BTK: variants seen among roughly 807,000 people sequenced by gnomAD.
BTK encodes Bruton tyrosine kinase.
In BTK, 5 loss-of-function variants were observed where a neutral mutation model predicts 57.4. That is an observed-to-expected ratio of 0.09 (90% CI 0.05 to 0.18). The LOEUF is 0.18. Ranked by LOEUF, BTK falls within the 10% of genes least tolerant of loss-of-function variation. BTK has a pLI of 1.00. For synonymous variants in BTK, 154 were observed against 174.3 expected, an observed-to-expected ratio of 0.88 and a Z score of 0.92; for missense variants, 194 against 501.2, an observed-to-expected ratio of 0.39 and a Z score of 5.85.
chrX:101,374,040 G>T (rs1434353744), intron 3 of BTK, among the ~76,000 whole-genome samples: 1 of 107,872 alleles, frequency 9.3e-6, no homozygotes, highest in Non-Finnish European at 1.9e-5. Context: ...GCGAGACTCT[G>T]TCTAAAAAAA....
chrX:101,376,313 T>A lies in BTK; in HGVS notation c.-30-999A>T, dbSNP rs139645081. ...CCGAACTTTCATTGGAAAGATAAAG[T>A]GAAAACAAATGCTGTCATAAAAATA... is the stretch of plus-strand genomic sequence containing the variant. On this transcript the variant is annotated intron_variant, in intron 1 of 18. Coordinates refer to ENST00000308731, the MANE Select transcript of BTK (RefSeq NM_000061.3). Among the ~76,000 whole-genome samples the A allele has an allele frequency of 7.3e-3, 815 of 111,875 alleles. 10 individuals carry two copies. The highest frequency in any genetic ancestry group is 0.013 in the Non-Finnish European group (666 of 53,194).
chrX:101,371,410 T>A (rs1438066996), intron 4 of BTK, among the ~76,000 whole-genome samples: 1 of 112,348 alleles, frequency 8.9e-6, no homozygotes, highest in Non-Finnish European at 1.9e-5. Flanking sequence ...CTGCTATGTA[T>A]TCTTTTTGAG....
At chrX:101,374,939 A>T (rs192696718) in intron 2 of BTK, among the ~76,000 whole-genome samples, 1 of 111,838 alleles carries the variant, frequency 8.9e-6, no homozygotes, top group African/African-American at 3.2e-5. Flanking sequence ...ATTCCATGGT[A>T]ATATTTTCCT....
At chrX:101,376,909 T>C (rs1927232677) in intron 1 of BTK, among the ~76,000 whole-genome samples, 1 of 111,123 alleles carries the variant, frequency 9.0e-6, no homozygotes, top group Non-Finnish European at 1.9e-5. Flanking sequence ...CTATCCACAC[T>C]GTTATTTTGC....
intron 7 of BTK, among the ~76,000 whole-genome samples, 184 bp downstream of exon 7, chrX:101,361,989 G>A (rs1555978751): frequency 8.9e-6 from 1 of 112,933 alleles, no homozygotes; most frequent in African/African-American, 3.2e-5. Context: ...TTACATGGTT[G>A]CTGAGAGCCT....
chrX:101,353,952 G>A lies in BTK; in HGVS notation c.1668C>T (p.Gly556=), dbSNP rs2147425027. The A allele has an allele frequency of 8.3e-7, 1 of 1,208,772 alleles. No homozygotes were observed. The highest frequency in any genetic ancestry group is 1.1e-6 in the Non-Finnish European group (1 of 893,630). Residue 556 remains glycine (G), a synonymous_variant, in exon 17 of 19, where the codon GGC becomes GGT. Transcript: ENST00000308731. The part of the protein sequence containing the change: ...VLDDEYTSSV[G]SKFPVRWSPP... ...GGGACCACCGGACTGGAAATTTGGA[G>A]CCTACTGAGCTTGTGTATTCATCAT... is the stretch of plus-strand genomic sequence containing the variant.
Position 101,371,808 on chromosome X carries a change from C to A in BTK, c.241-107G>T, listed in dbSNP as rs1555980356. On this transcript the variant is annotated intron_variant, in intron 3 of 18. Transcript: ENST00000308731. ...TGTGGCTTCAGAAGTTTCTCCTGCA[C>A]AGACAAGGCTGATTCTTAGTGATTA... The A allele has an allele frequency of 1.6e-5, 10 of 635,155 alleles. No homozygotes were observed. The Admixed American group carries it at 2.4e-4, about 15-fold the overall frequency. The allele number at this position is 635,155 out of a possible 1,213,427, so 52.3% of individuals were successfully genotyped here.
At chrX:101,372,517 C>T (rs1184296131) in intron 3 of BTK, among the ~76,000 whole-genome samples, 2 of 109,222 alleles carry the variant, frequency 1.8e-5, no homozygotes, top group Admixed American at 9.7e-5. Flanking sequence ...GGTGCGATCT[C>T]GGCTCACTGC....
intron 1 of BTK, among the ~76,000 whole-genome samples, chrX:101,377,127 A>G (rs935123120): frequency 2.7e-5 from 3 of 111,472 alleles, no homozygotes; most frequent in Non-Finnish European, 3.8e-5. Flanking sequence ...CCACCCTGCC[A>G]CACACCCTGA....
At chrX:101,380,070 T>C (rs1465110563) in intron 1 of BTK, among the ~76,000 whole-genome samples, 1 of 111,707 alleles carries the variant, frequency 9.0e-6, no homozygotes, top group Non-Finnish European at 1.9e-5. Context: ...TCCCTAGGGT[T>C]CTTATTGCTT....
chrX:101,352,809 G>A (rs1251393370), intron 18 of BTK, among the ~76,000 whole-genome samples: 3 of 109,364 alleles, frequency 2.7e-5, no homozygotes, highest in Non-Finnish European at 5.7e-5. Flanking sequence ...TAAGGCAGGA[G>A]AATCACTTGA....
Position 101,353,444 on chromosome X carries a change from A to T in BTK, c.1751-93T>A, listed in dbSNP as rs1169504446. 4.5e-5 allele frequency: 43 copies of T among 950,677 alleles called. No individual in the cohort carries two copies. In the South Asian group the frequency reaches 7.6e-4, roughly 17 times the overall value. The allele number at this position is 950,677 out of a possible 1,213,427, so 78.3% of individuals were successfully genotyped here. A position where few individuals can be genotyped will look rare whatever the true frequency, so the allele number is the denominator to read the frequency against. On this transcript the variant is annotated intron_variant, in intron 17 of 18. Coordinates refer to ENST00000308731, the MANE Select transcript of BTK (RefSeq NM_000061.3). ...TAGATCAACCTCAAAGATTAGAATC[A>T]GTTGGTTCCCCGCTCTGTGCTTTTT...
upstream of BTK, among the ~76,000 whole-genome samples, chrX:101,388,815 G>C (rs966762732): frequency 2.7e-4 from 30 of 111,803 alleles, no homozygotes; most frequent in Non-Finnish European, 4.9e-4. Flanking sequence ...TGACATTGAG[G>C]CTTCCTTATG....
At chrX:101,358,772 A>G in intron 10 of BTK, 76 bp from the exon 11 acceptor site, 1 of 827,666 alleles carries the variant, frequency 1.2e-6, no homozygotes, top group African/African-American at 2.0e-5. Flanking sequence ...CAAACTTGAG[A>G]GAGAAAATAG....
At chrX:101,366,257 G>GC (rs1555979416) in intron 5 of BTK, among the ~76,000 whole-genome samples, 1 of 111,166 alleles carries the variant, frequency 9.0e-6, no homozygotes, top group African/African-American at 3.3e-5. Flanking sequence ...GCACGATAGA[G>GC]CAAGACTCTC....
At chrX:101,370,739 T>TGG (rs1926999593) in intron 4 of BTK, among the ~76,000 whole-genome samples, 1 of 112,307 alleles carries the variant, frequency 8.9e-6, no homozygotes, top group Non-Finnish European at 1.9e-5. Context: ...ATATAAGATG[T>TGG]GGTTCCAACC....
chrX:101,370,320 G>T (rs1203236093), intron 4 of BTK, among the ~76,000 whole-genome samples: 4 of 111,833 alleles, frequency 3.6e-5, no homozygotes, highest in Non-Finnish European at 3.8e-5. Context: ...AGGTCCTCCT[G>T]ACTTGTGCTT....
In BTK at chrX:101,374,634, T is replaced by C; in HGVS notation, c.142A>G (p.Arg48Gly). 1 of 1,186,183 alleles carries C rather than the reference T, an allele frequency of 8.4e-7. No individual in the cohort carries two copies. The highest frequency in any genetic ancestry group is 1.1e-6 in the Non-Finnish European group (1 of 872,450). ...ATTGAACCCTTCTTACTGCCTCTTC[T>C]CTGAGAAGTAGAATGAGGAAGAAAA... The part of the protein sequence containing the change: ...SYYEYDFERG[R>G]RGSKKGSIDV... The change falls in exon 3 of 19, where the codon AGA (arginine) becomes GGA (glycine). Residue 48 changes from arginine (R) to glycine (G), a missense_variant and splice_region_variant. Arg to Gly is a moderately radical substitution (Grantham distance 125). Around this residue, in one of 3 missense-constraint regions of BTK, gnomAD observed 115 missense variants for 258.3 expected, o/e 0.45. Coordinates refer to ENST00000308731, the MANE Select transcript of BTK (RefSeq NM_000061.3).
intron 15 of BTK, among the ~76,000 whole-genome samples, 190 bp from the exon 16 acceptor site, chrX:101,354,884 C>A (rs1926416343): frequency 8.9e-6 from 1 of 112,035 alleles, no homozygotes; most frequent in African/African-American, 3.2e-5. Context: ...TGGAAAGCAA[C>A]CTGCTGTGTA....
Sources: gnomAD v4.1 joint callset for allele counts (sites outside exome capture counted in the v4.1 genomes callset) on GRCh38, gnomAD v4.1.1 for gene constraint, gnomAD v4.1.1 regional missense constraint, MANE v1.5 for transcripts, NCBI Gene and HGNC (gene_info 2026-07-23, HGNC 2026-07-21) for gene names.